Variants in SETX observed in about 807,000 individuals in gnomAD.
The protein encoded by SETX is helicase senataxin.
A neutral mutation model predicts 227.2 loss-of-function variants in SETX; 90 were observed. The observed-to-expected ratio is 0.40, with a 90% CI of 0.33 to 0.47. The LOEUF (loss-of-function observed/expected upper bound fraction) is 0.47, where lower values mean the gene tolerates loss of function less well. Ranked by LOEUF, SETX falls within the 20% of genes least tolerant of loss-of-function variation. The pLI, the probability that SETX is intolerant of heterozygous loss-of-function variation, is 0.91. For synonymous variants in SETX, 1,210 were observed against 1,113.2 expected (o/e 1.09, Z -1.73); for missense variants, 3,052 against 3,181.5 (o/e 0.96, Z 0.98).
chr9:132,298,506 G>A (rs1844805475), intron 12 of SETX, among the ~76,000 whole-genome samples, 194 bp from the exon 13 acceptor site: 1 of 152,140 alleles, frequency 6.6e-6, no homozygotes. Context: ...TCTAGAAGAT[G>A]GAGGCAGATA....
At chr9:132,281,855 A>G (rs1032615404) in intron 19 of SETX, among the ~76,000 whole-genome samples, 1 of 151,878 alleles carries the variant, frequency 6.6e-6, no homozygotes, top group East Asian at 1.9e-4. Flanking sequence ...CCTGGCCAAC[A>G]TGGCGCAACC....
At chr9:132,338,547 A>T (rs1183123769) in intron 5 of SETX, among the ~76,000 whole-genome samples, 1 of 152,310 alleles carries the variant, frequency 6.6e-6, no homozygotes, top group East Asian at 1.9e-4. Flanking sequence ...AGGTTTTGCA[A>T]ATGCATGACC....
intron 2 of SETX, among the ~76,000 whole-genome samples, chr9:132,353,416 T>G (rs2131591382): frequency 6.6e-6 from 1 of 152,112 alleles, no homozygotes; most frequent in Non-Finnish European, 1.5e-5. Flanking sequence ...TAAAATTGTT[T>G]CCCTTTTAAA....
chr9:132,275,243 A>T lies in SETX; in HGVS notation c.7100+13T>A. 2.5e-6 allele frequency: 4 copies of T among 1,612,782 alleles called. No individual in the cohort carries two copies. The highest frequency in any genetic ancestry group is 3.4e-6 in the Non-Finnish European group (4 of 1,178,936). Reference sequence around the variant, plus strand: ...CAACAAGAAAATTGGAAATATTTATAAAAATGCCTCACCCTTTTCTATCGA... The same window carrying T: ...CAACAAGAAAATTGGAAATATTTATTAAAATGCCTCACCCTTTTCTATCGA... On this transcript the variant is annotated intron_variant, in intron 23 of 25. Transcript: ENST00000224140.
chr9:132,309,376 T>C (rs1589696832), intron 11 of SETX, among the ~76,000 whole-genome samples: 1 of 151,186 alleles, frequency 6.6e-6, no homozygotes, highest in East Asian at 1.9e-4. Context: ...ATCAGACCTC[T>C]ACTTGGGGGA....
chr9:132,348,191 C>T (rs966171431), intron 3 of SETX, among the ~76,000 whole-genome samples: 6 of 151,648 alleles, frequency 4.0e-5, no homozygotes, highest in African/African-American at 1.2e-4. Context: ...AAAACCCCAT[C>T]TCTACTAAAA....
In SETX at chr9:132,271,695, A is replaced by AT; in HGVS notation, c.7199+14dup. The AT allele has an allele frequency of 6.3e-7, 1 of 1,597,754 alleles. No homozygotes were observed. Among genetic ancestry groups the AT allele is most frequent in the Non-Finnish European group, 8.6e-7 (1 of 1,165,004 alleles). On this transcript the variant is annotated intron_variant, in intron 24 of 25. Coordinates refer to ENST00000224140, the MANE Select transcript of SETX (RefSeq NM_015046.7). ...TGTATACAAGTATAAAAGAGCAACA[A>AT]TGACAGTAACTCACCCAATTGAACC...
Position 132,298,325 on chromosome 9 carries a change from AAG to A in SETX, c.5549-15_5549-14del. ...TTCCCATTACGCACTATCATCAAGAAAGAGAAAAAGCAACTTCAGTTATCACT... is the reference window on the plus strand; with the variant it reads ...TTCCCATTACGCACTATCATCAAGAAAGAAAAAGCAACTTCAGTTATCACT... On this transcript the variant is annotated splice_polypyrimidine_tract_variant and intron_variant, in intron 12 of 25. Transcript: ENST00000224140. 1 of 1,605,928 alleles carries A rather than the reference AAG, an allele frequency of 6.2e-7. No homozygotes were observed. The highest frequency in any genetic ancestry group is 8.5e-7 in the Non-Finnish European group (1 of 1,173,056).
At chr9:132,339,048 C>T (rs1340776259) in intron 5 of SETX, among the ~76,000 whole-genome samples, 1 of 152,204 alleles carries the variant, frequency 6.6e-6, no homozygotes, top group East Asian at 1.9e-4. Context: ...CGAGCATGAG[C>T]GACCATGCCC....
chr9:132,281,684 C>A, intron 19 of SETX, 110 bp from the exon 20 acceptor site: 2 of 775,816 alleles, frequency 2.6e-6, no homozygotes, highest in Non-Finnish European at 4.4e-6. Flanking sequence ...ACTTCTCCTG[C>A]ACCAAATATC....
intron 25 of SETX, among the ~76,000 whole-genome samples, chr9:132,265,402 T>C (rs1439036486): frequency 6.6e-6 from 1 of 151,976 alleles, no homozygotes; most frequent in Non-Finnish European, 1.5e-5. Context: ...ATTTTTTGTA[T>C]TTTTAGTAGA....
chr9:132,298,498 T>G (rs2131296745), intron 12 of SETX, among the ~76,000 whole-genome samples, 186 bp from the exon 13 acceptor site: 1 of 152,334 alleles, frequency 6.6e-6, no homozygotes, highest in East Asian at 1.9e-4. Context: ...GCTTATTTTC[T>G]AGAAGATGGA....
At chr9:132,313,813 G>A (rs1407415467) in intron 10 of SETX, among the ~76,000 whole-genome samples, 1 of 151,076 alleles carries the variant, frequency 6.6e-6, no homozygotes, top group Non-Finnish European at 1.5e-5. Flanking sequence ...CCTTTCAAAA[G>A]GTGTCAGCTG....
At position 132,279,670 on chromosome 9, in the gene SETX, T is replaced by C. The variant is rs1220596595; in HGVS notation, c.6655-1413A>G. Among the ~76,000 whole-genome samples, 5 of 152,226 alleles carry C rather than the reference T, an allele frequency of 3.3e-5. No homozygotes were observed. In the South Asian group the frequency reaches 6.2e-4, roughly 19 times the overall value. ...TAATTATTAATAGATACATGCCAAT[T>C]TTCCCTAAATCCTCAAAAGTTTATC... On this transcript the variant is annotated intron_variant, in intron 20 of 25. Coordinates refer to ENST00000224140, the MANE Select transcript of SETX (RefSeq NM_015046.7).
At position 132,326,495 on chromosome 9, in the gene SETX, G is replaced by A. The variant is rs773628961; in HGVS notation, c.5103C>T (p.Phe1701=). The A allele has an allele frequency of 5.6e-6, 9 of 1,614,032 alleles. No individual in the cohort carries two copies. Among genetic ancestry groups the A allele is most frequent in the Middle Eastern group, 1.6e-4 (1 of 6,084 alleles). The change falls in exon 10 of 26, where the codon TTC becomes TTT. Residue 1701 remains phenylalanine, a synonymous_variant. Coordinates refer to ENST00000224140, the MANE Select transcript of SETX (RefSeq NM_015046.7). ...ATTTCCATTTTAAGACCTCTTTAAC[G>A]AAGGTGTCAGAGACAGACTGTGATG... ...LLSSQSVSDT[F]VKEVLKWKYE...
intron 4 of SETX, 87 bp downstream of exon 4, chr9:132,346,170 GCAAA>G (rs1848274251): frequency 9.6e-7 from 1 of 1,046,044 alleles, no homozygotes; most frequent in Admixed American, 2.0e-5. Flanking sequence ...TATATGTTTA[GCAAA>G]CAAATTTGCA....
chr9:132,280,711 A>T (rs1197310713), intron 20 of SETX, among the ~76,000 whole-genome samples: 2 of 152,212 alleles, frequency 1.3e-5, no homozygotes, highest in Non-Finnish European at 2.9e-5. Flanking sequence ...TATCTGTATA[A>T]ATAATCTATG....
Position 132,330,014 on chromosome 9 carries a change from A to T in SETX, c.1584T>A (p.Ser528=), listed in dbSNP as rs749757194. 6.2e-7 allele frequency: 1 copy of T among 1,614,222 alleles called. No homozygotes were observed. The highest frequency in any genetic ancestry group is 1.1e-5 in the South Asian group (1 of 91,086). Residue 528 remains serine, a synonymous_variant, in exon 10 of 26, where the codon TCT becomes TCA. Transcript: ENST00000224140. ...GCACATAAGCAAGTTGTACAGAGTT[A>T]GATGGCATGGAATGCAATGACAGTG... ...ISSLSLHSMP[S]NSVQLAYVQL...
chr9:132,284,881 G>A (rs1272861751), intron 18 of SETX, among the ~76,000 whole-genome samples: 1 of 147,848 alleles, frequency 6.8e-6, no homozygotes, highest in African/African-American at 2.6e-5. Context: ...TATTTTTTTT[G>A]TTGTTTTTTT....
Sources: allele counts gnomAD v4.1 joint callset (sites outside exome capture counted in the v4.1 genomes callset), GRCh38; gene constraint gnomAD v4.1.1; transcripts MANE v1.5; gene names NCBI Gene and HGNC (gene_info 2026-07-23, HGNC 2026-07-21).